Variants in LCLAT1 observed in about 807,000 individuals in gnomAD.
LCLAT1 encodes the protein lysocardiolipin acyltransferase 1.
LCLAT1 carries 11 observed loss-of-function variants against 30.7 expected under a neutral mutation model. The ratio of observed to expected loss-of-function variants is 0.36; its 90% CI spans 0.23 to 0.59. LCLAT1 has a LOEUF of 0.59. Ranked by LOEUF, LCLAT1 falls within the 20% of genes least tolerant of loss-of-function variation. LCLAT1 has a pLI of 0.77. For missense variants in LCLAT1, 402 were observed against 458.6 expected (o/e 0.88, Z 1.13); for synonymous variants, 155 against 151.3 (o/e 1.02, Z -0.18).
chr2:30,451,275 G>T (rs1681536066), intron 1 of LCLAT1, among the ~76,000 whole-genome samples: 1 of 152,194 alleles, frequency 6.6e-6, no homozygotes, highest in Non-Finnish European at 1.5e-5. Flanking sequence ...GGGGGCCAGT[G>T]TTGGCAAGGG....
chr2:30,597,476 CTTTTGCACATTGA>C, intron 5 of LCLAT1, among the ~76,000 whole-genome samples: 2 of 152,196 alleles, frequency 1.3e-5, no homozygotes, highest in South Asian at 4.1e-4. Context: ...ATGCTTGTGA[CTTTTGCACATTGA>C]TTTTGCATCC....
chr2:30,449,723 C>T (rs977941069), intron 1 of LCLAT1, among the ~76,000 whole-genome samples: 6 of 152,136 alleles, frequency 3.9e-5, no homozygotes, highest in Non-Finnish European at 7.4e-5. Context: ...TAGTCTTGAG[C>T]TCCCGACCTC....
chr2:30,595,733 C>G (rs1666901990), intron 5 of LCLAT1, among the ~76,000 whole-genome samples: 1 of 152,132 alleles, frequency 6.6e-6, no homozygotes, highest in Non-Finnish European at 1.5e-5. Flanking sequence ...CACCTATCAA[C>G]CCATCACCTA....
chr2:30,600,335 A>C (rs965705282), intron 5 of LCLAT1, among the ~76,000 whole-genome samples: 2 of 152,208 alleles, frequency 1.3e-5, no homozygotes, highest in African/African-American at 4.8e-5. Flanking sequence ...GAACAAAGAG[A>C]TAATGTACTA....
chr2:30,638,084 G>C (rs931381721), intron 5 of LCLAT1, among the ~76,000 whole-genome samples: 1 of 152,190 alleles, frequency 6.6e-6, no homozygotes, highest in Non-Finnish European at 1.5e-5. Flanking sequence ...CTCTCATTAA[G>C]TGCTGATTAT....
chr2:30,538,231 C>G (rs912038656), intron 3 of LCLAT1, among the ~76,000 whole-genome samples: 1 of 151,922 alleles, frequency 6.6e-6, no homozygotes, highest in Non-Finnish European at 1.5e-5. Context: ...AAGATTAGAG[C>G]AGAACTAAGC....
intron 2 of LCLAT1, among the ~76,000 whole-genome samples, chr2:30,530,088 T>C (rs1685913333): frequency 6.6e-6 from 1 of 152,246 alleles, no homozygotes; most frequent in African/African-American, 2.4e-5. Flanking sequence ...AATGCTTCCA[T>C]ATTTCTGTTA....
rs1383916695 is a variant in LCLAT1 at position 30,641,725 on chromosome 2, G to A, written c.*1106G>A. On this transcript the variant is annotated 3_prime_UTR_variant, in exon 6 of 6. Coordinates refer to ENST00000379509, the MANE Select transcript of LCLAT1 (RefSeq NM_001002257.3). ...CAAGTGATCTTTCTTTTTAGTTTTA[G>A]CCTTCCTTTTTCAATAGTAATATTT... 6.6e-6 allele frequency: 1 copy of A among 151,968 alleles called. No individual in the cohort carries two copies. Among genetic ancestry groups the A allele is most frequent in the Non-Finnish European group, 1.5e-5 (1 of 67,984 alleles). The allele number at this position is 151,968 out of a possible 1,614,324, so 9.4% of individuals were successfully genotyped here. A position where few individuals can be genotyped will look rare whatever the true frequency, so the allele number is the denominator to read the frequency against.
In LCLAT1 at chr2:30,562,273, A is replaced by G. The variant is rs1474486681; in HGVS notation, c.492A>G (p.Pro164=). The G allele has an allele frequency of 6.2e-7, 1 of 1,611,138 alleles. No homozygotes were observed. Among genetic ancestry groups the G allele is most frequent in the Non-Finnish European group, 8.5e-7 (1 of 1,177,992 alleles). ...AACCACTTCAACTCCTCATATTCCC[A>G]GAAGGGACTGATCTCACAGGTAATG... is the stretch of plus-strand genomic sequence containing the variant. ...IHEPLQLLIF[P]EGTDLTENSK... Residue 164 remains proline, a synonymous_variant, in exon 4 of 6, where the codon CCA becomes CCG. Coordinates refer to ENST00000379509, the MANE Select transcript of LCLAT1 (RefSeq NM_001002257.3).
intron 5 of LCLAT1, chr2:30,606,185 A>G (rs975600865): frequency 7.0e-5 from 25 of 355,410 alleles, no homozygotes; most frequent in Non-Finnish European, 1.1e-4. Context: ...TACAGATTCA[A>G]TGCTATTCCC....
chr2:30,528,298 CCAAA>C (rs1232747316), intron 2 of LCLAT1, among the ~76,000 whole-genome samples: 1 of 152,118 alleles, frequency 6.6e-6, no homozygotes, highest in Non-Finnish European at 1.5e-5. Flanking sequence ...GGACAAGTTA[CCAAA>C]CAAATTCTGC....
At chr2:30,611,371 AGT>A (rs1168038372) in intron 5 of LCLAT1, among the ~76,000 whole-genome samples, 2 of 152,070 alleles carry the variant, frequency 1.3e-5, no homozygotes, top group African/African-American at 4.8e-5. Flanking sequence ...GAGAACAGAG[AGT>A]GTGTGTGTAT....
chr2:30,544,648 G>C (rs1664314717), intron 3 of LCLAT1, among the ~76,000 whole-genome samples: 1 of 152,036 alleles, frequency 6.6e-6, no homozygotes, highest in African/African-American at 2.4e-5. Context: ...CTTCCCCTCT[G>C]TGTGTTACTT....
intron 5 of LCLAT1, among the ~76,000 whole-genome samples, chr2:30,617,668 A>G (rs1421822678): frequency 6.6e-6 from 1 of 152,144 alleles, no homozygotes; most frequent in Admixed American, 6.5e-5. Flanking sequence ...TAGCCTTTTT[A>G]ACCTAGCCAT....
At chr2:30,630,923 A>G (rs1328234183) in intron 5 of LCLAT1, among the ~76,000 whole-genome samples, 2 of 152,238 alleles carry the variant, frequency 1.3e-5, no homozygotes, top group Admixed American at 1.3e-4. Flanking sequence ...TAAATAGAAC[A>G]CTCAAAAGAA....
intron 5 of LCLAT1, among the ~76,000 whole-genome samples, chr2:30,580,059 G>A (rs753294228): frequency 2.0e-5 from 3 of 152,058 alleles, no homozygotes; most frequent in Admixed American, 6.5e-5. Context: ...ATCCATGAGC[G>A]AGGTATTTAC....
intron 1 of LCLAT1, among the ~76,000 whole-genome samples, chr2:30,486,384 A>G (rs988201769): frequency 7.9e-5 from 12 of 152,204 alleles, no homozygotes; most frequent in Non-Finnish European, 7.3e-5. Context: ...TCATTGTAGA[A>G]TGGTGGAAAA....
intron 5 of LCLAT1, among the ~76,000 whole-genome samples, chr2:30,572,871 T>A (rs1665844312): frequency 6.6e-6 from 1 of 150,910 alleles, no homozygotes; most frequent in African/African-American, 2.4e-5. Context: ...CTCTAATCTT[T>A]AAAAAAAAAT....
chr2:30,584,823 A>T (rs758394162), intron 5 of LCLAT1, among the ~76,000 whole-genome samples: 6 of 152,200 alleles, frequency 3.9e-5, no homozygotes, highest in Non-Finnish European at 5.9e-5. Flanking sequence ...TCTCAAGCAC[A>T]TCATAAAGCA....
Sources: gnomAD v4.1 joint callset for allele counts (sites outside exome capture counted in the v4.1 genomes callset) on GRCh38, gnomAD v4.1.1 for gene constraint, MANE v1.5 for transcripts, NCBI Gene and HGNC (gene_info 2026-07-23, HGNC 2026-07-21) for gene names.